GRAMD2B: variants seen among roughly 807,000 people sequenced by gnomAD.
GRAMD2B encodes GRAM domain-containing protein 2B.
GRAMD2B carries 41 observed loss-of-function variants against 59.2 expected under a neutral mutation model. That is an observed-to-expected ratio of 0.69 (90% CI 0.54 to 0.90). GRAMD2B has a LOEUF of 0.90. Among genes scored for constraint, GRAMD2B ranks in the 40% least tolerant of loss-of-function variants. The pLI, the probability that GRAMD2B is intolerant of heterozygous loss-of-function variation, is 0.00. For missense variants in GRAMD2B, 424 were observed against 500.5 expected, an observed-to-expected ratio of 0.85 and a Z score of 1.46; for synonymous variants, 161 against 182.7, an observed-to-expected ratio of 0.88 and a Z score of 0.96.
chr5:126,383,671 A>G (rs990691891), intron 1 of GRAMD2B, among the ~76,000 whole-genome samples: 1 of 152,222 alleles, frequency 6.6e-6, no homozygotes, highest in African/African-American at 2.4e-5. Flanking sequence ...TAGTCCAGGT[A>G]GTACATATAC....
At chr5:126,383,019 G>A (rs1004792859) in intron 1 of GRAMD2B, among the ~76,000 whole-genome samples, 3 of 152,212 alleles carry the variant, frequency 2.0e-5, no homozygotes, top group Non-Finnish European at 2.9e-5. Context: ...ACTGAGGAAT[G>A]TCTGCAAAGT....
Position 126,488,994 on chromosome 5 carries a change from G to A in GRAMD2B, c.1257+102G>A, listed in dbSNP as rs79826845. 5.8e-3 allele frequency: 3,896 copies of A among 666,146 alleles called. 110 individuals are homozygous for A. The African/African-American group carries it at 0.062, about 11-fold the overall frequency. 41.3% of individuals were successfully genotyped at this position (666,146 alleles called of 1,614,324 possible). On this transcript the variant is annotated intron_variant, in intron 13 of 13. Transcript: ENST00000285689. ...CACACTCAGACGCCGTTAGTGTGCC[G>A]CAATAAACCTACATGATCAACCCTG... is the stretch of plus-strand genomic sequence containing the variant.
intron 9 of GRAMD2B, 127 bp downstream of exon 9, chr5:126,483,701 C>T: frequency 1.7e-6 from 1 of 597,536 alleles, no homozygotes; most frequent in African/African-American, 1.9e-5. Flanking sequence ...AGTTAAAAAT[C>T]AGGAATGGAA....
At chr5:126,458,427 A>G (rs4446453) in intron 1 of GRAMD2B, among the ~76,000 whole-genome samples, 139,584 of 151,108 alleles carry the variant, frequency 0.92, 65,088 homozygotes, top group East Asian at 1. Context: ...GCGACAGAGT[A>G]AGGCTCCATC....
chr5:126,477,795 T>C lies in GRAMD2B; in HGVS notation c.582+8T>C. ...GCAACAGTCACAGACAGGGTGAGTA[T>C]GCAGCCGAGCGAGGGCATCTTTGCT... On this transcript the variant is annotated splice_region_variant and intron_variant, in intron 6 of 13. Coordinates refer to ENST00000285689, the MANE Select transcript of GRAMD2B (RefSeq NM_023927.4). 6.4e-7 allele frequency: 1 copy of C among 1,564,814 alleles called. No homozygotes were observed. Among genetic ancestry groups the C allele is most frequent in the Non-Finnish European group, 8.8e-7 (1 of 1,135,156 alleles).
At chr5:126,474,587 G>A (rs185657996) in intron 5 of GRAMD2B, among the ~76,000 whole-genome samples, 41 of 152,304 alleles carry the variant, frequency 2.7e-4, no homozygotes, top group Middle Eastern at 3.4e-3. Flanking sequence ...GGGTAGTACT[G>A]ATCAATGTGA....
chr5:126,414,452 T>G (rs1031604025), intron 1 of GRAMD2B, among the ~76,000 whole-genome samples: 2 of 152,152 alleles, frequency 1.3e-5, no homozygotes, highest in African/African-American at 4.8e-5. Context: ...ATGTTCTGTT[T>G]TCATCTGGTA....
At chr5:126,392,981 A>G (rs1411149712) in intron 1 of GRAMD2B, among the ~76,000 whole-genome samples, 3 of 152,242 alleles carry the variant, frequency 2.0e-5, no homozygotes, top group African/African-American at 7.2e-5. Flanking sequence ...TCTGTTTCAT[A>G]GGAATTATTT....
rs545358621 is a variant in GRAMD2B, at chr5:126,362,090, G to C, written c.128+1631G>C. On this transcript the variant is annotated intron_variant, in intron 1 of 13. Transcript: ENST00000513040. ...CCTCCTTTGTTTTTTATTACTAGTG[G>C]AGAATATTTTTTCATTTGTTATTAG... 2.0e-5 allele frequency among the ~76,000 whole-genome samples: 3 copies of C among 152,248 alleles called. No homozygotes were observed. In the South Asian group the frequency reaches 6.2e-4, roughly 32 times the overall value.
At chr5:126,464,299 C>T (rs1487761811) in intron 1 of GRAMD2B, among the ~76,000 whole-genome samples, 1 of 152,208 alleles carries the variant, frequency 6.6e-6, no homozygotes, top group Non-Finnish European at 1.5e-5. Context: ...GCCATCTTAA[C>T]ATGTCTTTCT....
intron 1 of GRAMD2B, among the ~76,000 whole-genome samples, chr5:126,434,910 T>C (rs1762167887): frequency 1.3e-5 from 2 of 152,216 alleles, no homozygotes; most frequent in African/African-American, 4.8e-5. Context: ...CCTGAGAAGT[T>C]CCTGAGCATA....
chr5:126,475,673 G>A (rs946214610), intron 5 of GRAMD2B, among the ~76,000 whole-genome samples: 22 of 152,316 alleles, frequency 1.4e-4, no homozygotes, highest in African/African-American at 5.1e-4. Context: ...AAAATTAAAA[G>A]CTCATTTTGT....
chr5:126,389,077 C>G (rs1438336883), intron 1 of GRAMD2B, among the ~76,000 whole-genome samples: 1 of 152,122 alleles, frequency 6.6e-6, no homozygotes, highest in Non-Finnish European at 1.5e-5. Flanking sequence ...GGAGAAGTAG[C>G]ATAGGATAGT....
At chr5:126,376,835 A>G (rs923387380) in intron 1 of GRAMD2B, among the ~76,000 whole-genome samples, 6 of 152,124 alleles carry the variant, frequency 3.9e-5, no homozygotes, top group African/African-American at 7.2e-5. Flanking sequence ...TCAGGGCAGG[A>G]GGACCTATGA....
intron 1 of GRAMD2B, among the ~76,000 whole-genome samples, chr5:126,451,770 G>A (rs1765419004): frequency 6.6e-6 from 1 of 152,174 alleles, no homozygotes; most frequent in African/African-American, 2.4e-5. Context: ...AGTGTCAGAG[G>A]CGGGACCTGG....
At chr5:126,450,607 A>G (rs1184498024) in intron 1 of GRAMD2B, among the ~76,000 whole-genome samples, 1 of 147,148 alleles carries the variant, frequency 6.8e-6, no homozygotes, top group African/African-American at 2.5e-5. Flanking sequence ...TCTCTGTCCT[A>G]GAAGATAACC....
chr5:126,487,450 T>C (rs1323887208), intron 12 of GRAMD2B, among the ~76,000 whole-genome samples: 1 of 152,206 alleles, frequency 6.6e-6, no homozygotes, highest in Non-Finnish European at 1.5e-5. Flanking sequence ...AATGTGTCTG[T>C]GAAGATTTTC....
At chr5:126,432,009 T>A (rs1761639415) in intron 1 of GRAMD2B, among the ~76,000 whole-genome samples, 1 of 152,118 alleles carries the variant, frequency 6.6e-6, no homozygotes, top group Admixed American at 6.5e-5. Flanking sequence ...CTCACTGCAG[T>A]CTCAACCTTT....
At chr5:126,410,233 T>C (rs546162564) in intron 1 of GRAMD2B, among the ~76,000 whole-genome samples, 1 of 152,108 alleles carries the variant, frequency 6.6e-6, no homozygotes, top group African/African-American at 2.4e-5. Flanking sequence ...AAGAACGTCA[T>C]TGGTAGCTTG....
Sources: gnomAD v4.1 joint callset for allele counts (sites outside exome capture counted in the v4.1 genomes callset) on GRCh38, gnomAD v4.1.1 for gene constraint, MANE v1.5 for transcripts, NCBI Gene and HGNC (gene_info 2026-07-23, HGNC 2026-07-21) for gene names.